ZBBX: variants seen among roughly 807,000 people sequenced by gnomAD.
ZBBX encodes the protein zinc finger B-box domain-containing protein 1.
ZBBX carries 101 observed loss-of-function variants against 108.5 expected under a neutral mutation model. The observed-to-expected ratio is 0.93, with a 90% CI of 0.79 to 1.10. ZBBX has a LOEUF of 1.10. ZBBX is among the 50% of genes least tolerant of loss of function. The probability of loss-of-function intolerance (pLI) is 0.00; values close to 1 mark genes in which losing one functional copy is unlikely to be tolerated. For synonymous variants in ZBBX, 356 were observed against 323.4 expected (o/e 1.10, Z -1.08); for missense variants, 1,009 against 941.4 (o/e 1.07, Z -0.94).
chr3:167,327,113 T>C (rs1577007585), intron 11 of ZBBX, among the ~76,000 whole-genome samples: 1 of 150,178 alleles, frequency 6.7e-6, no homozygotes, highest in Non-Finnish European at 1.5e-5. Context: ...GGATCATCAA[T>C]GTCTAGAATG....
chr3:167,341,236 A>G (rs1010326946), intron 9 of ZBBX, among the ~76,000 whole-genome samples: 2 of 151,862 alleles, frequency 1.3e-5, no homozygotes, highest in African/African-American at 4.8e-5. Context: ...ACCTGGACAC[A>G]TGCTCCTGCT....
chr3:167,217,776 G>T, the ZBBX span, among the ~76,000 whole-genome samples: 1 of 152,100 alleles, frequency 6.6e-6, no homozygotes, highest in Admixed American at 6.6e-5. Flanking sequence ...GGAATATTAT[G>T]TAGCCATAAA....
At chr3:167,377,309 C>A (rs1747118795) in intron 2 of ZBBX, among the ~76,000 whole-genome samples, 1 of 152,116 alleles carries the variant, frequency 6.6e-6, no homozygotes, top group Non-Finnish European at 1.5e-5. Flanking sequence ...GCCAGAGGTG[C>A]AAGAGAACAC....
the ZBBX span, among the ~76,000 whole-genome samples, chr3:167,231,821 G>A: frequency 4.0e-5 from 6 of 151,728 alleles, no homozygotes; most frequent in Non-Finnish European, 7.4e-5. Flanking sequence ...TGTTTAACCT[G>A]AATTTAAACT....
At chr3:167,319,231 G>A (rs1395727483) in intron 12 of ZBBX, among the ~76,000 whole-genome samples, 4 of 151,922 alleles carry the variant, frequency 2.6e-5, no homozygotes, top group Non-Finnish European at 4.4e-5. Flanking sequence ...ACAAGAACAT[G>A]GATGAATCTT....
chr3:167,197,285 T>A, the ZBBX span, among the ~76,000 whole-genome samples: 1 of 151,110 alleles, frequency 6.6e-6, no homozygotes. Context: ...ACGCCTGCAA[T>A]CCCAGCACTT....
At chr3:167,373,404 G>T (rs536814343) in intron 3 of ZBBX, among the ~76,000 whole-genome samples, 1 of 152,208 alleles carries the variant, frequency 6.6e-6, no homozygotes, top group African/African-American at 2.4e-5. Context: ...CTATTTATGT[G>T]CTAATAAAGT....
At chr3:167,270,538 C>G (rs1726336204) in intron 20 of ZBBX, among the ~76,000 whole-genome samples, 1 of 152,144 alleles carries the variant, frequency 6.6e-6, no homozygotes, top group Non-Finnish European at 1.5e-5. Flanking sequence ...AATGGAGTGG[C>G]TATAGGAGTG....
chr3:167,228,315 T>C, the ZBBX span, among the ~76,000 whole-genome samples: 2 of 151,864 alleles, frequency 1.3e-5, no homozygotes, highest in Admixed American at 6.6e-5. Flanking sequence ...AAGCTGAGTT[T>C]TTCCACCGCA....
chr3:167,259,941 C>T (rs1157069905), intron 20 of ZBBX, among the ~76,000 whole-genome samples: 2 of 152,020 alleles, frequency 1.3e-5, no homozygotes, highest in South Asian at 2.1e-4. Context: ...GTGAATTAAG[C>T]TTTAAACAGG....
At chr3:167,305,560 T>C (rs967467762) in intron 17 of ZBBX, 83 bp downstream of exon 17, 16 of 1,083,112 alleles carry the variant, frequency 1.5e-5, no homozygotes, top group Non-Finnish European at 1.9e-5. Flanking sequence ...AGGAAGTAAC[T>C]TGAGAATGTA....
At chr3:167,405,319 C>G (rs1748549264) in intron 1 of ZBBX, among the ~76,000 whole-genome samples, 1 of 151,950 alleles carries the variant, frequency 6.6e-6, no homozygotes, top group Non-Finnish European at 1.5e-5. Context: ...TGACCTCTGA[C>G]ATAAACAGTG....
chr3:167,234,178 G>A, the ZBBX span, among the ~76,000 whole-genome samples: 1 of 151,772 alleles, frequency 6.6e-6, no homozygotes, highest in Admixed American at 6.6e-5. Flanking sequence ...GAGACCATCT[G>A]TAATTCCTGG....
chr3:167,290,293 T>G (rs1421843764), intron 18 of ZBBX, among the ~76,000 whole-genome samples: 1 of 152,254 alleles, frequency 6.6e-6, no homozygotes, highest in African/African-American at 2.4e-5. Flanking sequence ...CAGACACCTC[T>G]TACAGGAGAG....
chr3:167,191,926 T>TAGAGAGAG, the ZBBX span, among the ~76,000 whole-genome samples: 2 of 127,416 alleles, frequency 1.6e-5, no homozygotes, highest in African/African-American at 6.6e-5. Context: ...TATATATATA[T>TAGAGAGAG]ATATATATAG....
chr3:167,347,983 C>A (rs529620709), intron 9 of ZBBX, among the ~76,000 whole-genome samples: 5 of 152,022 alleles, frequency 3.3e-5, no homozygotes, highest in Non-Finnish European at 7.4e-5. Context: ...GATTTGTGTA[C>A]ATATTATGTA....
chr3:167,291,072 T>C (rs747829944), intron 18 of ZBBX, among the ~76,000 whole-genome samples: 9 of 152,158 alleles, frequency 5.9e-5, no homozygotes, highest in Non-Finnish European at 1.2e-4. Context: ...AGACCAAATC[T>C]ACGTTTTATT....
At chr3:167,351,634 C>G (rs1742669718) in intron 8 of ZBBX, among the ~76,000 whole-genome samples, 1 of 152,064 alleles carries the variant, frequency 6.6e-6, no homozygotes, top group Non-Finnish European at 1.5e-5. Flanking sequence ...TAGAGAGGTG[C>G]CTGGATATCA....
At chr3:167,276,708 G>A (rs994266770) in intron 20 of ZBBX, among the ~76,000 whole-genome samples, 15 of 152,156 alleles carry the variant, frequency 9.9e-5, no homozygotes, top group Non-Finnish European at 1.8e-4. Context: ...AACCTAGCAA[G>A]GCAGGCCAAC....
Sources: gnomAD v4.1 joint callset for allele counts (sites outside exome capture counted in the v4.1 genomes callset) on GRCh38, gnomAD v4.1.1 for gene constraint, MANE v1.5 for transcripts, NCBI Gene and HGNC (gene_info 2026-07-23, HGNC 2026-07-21) for gene names.